Variants in OPRD1 observed in about 807,000 individuals in gnomAD.
OPRD1 encodes the protein delta-type opioid receptor.
OPRD1 carries 19 observed loss-of-function variants against 17.5 expected under a neutral mutation model. The observed-to-expected ratio is 1.09, with a 90% CI of 0.76 to 1.60. OPRD1 has a LOEUF of 1.60. OPRD1 is among the 40% of genes most tolerant of loss of function. The pLI, the probability that OPRD1 is intolerant of heterozygous loss-of-function variation, is 0.00. For missense variants in OPRD1, 483 were observed against 547.2 expected (o/e 0.88, Z 1.17); for synonymous variants, 256 against 240.9 (o/e 1.06, Z -0.58).
At chr1:28,845,713 A>G (rs1342733099) in intron 1 of OPRD1, among the ~76,000 whole-genome samples, 5 of 152,188 alleles carry the variant, frequency 3.3e-5, no homozygotes, top group Admixed American at 3.3e-4. Flanking sequence ...TTTAGCTCTT[A>G]CATCTTTGAT....
At chr1:28,813,243 C>A (rs191949526) in intron 1 of OPRD1, among the ~76,000 whole-genome samples, 1 of 152,176 alleles carries the variant, frequency 6.6e-6, no homozygotes, top group Non-Finnish European at 1.5e-5. Flanking sequence ...CCGGAGTGGC[C>A]GTCGTCCCTG....
chr1:28,834,592 C>G (rs956164342), intron 1 of OPRD1, among the ~76,000 whole-genome samples: 1 of 150,862 alleles, frequency 6.6e-6, no homozygotes, highest in East Asian at 2.0e-4. Context: ...GTTGCCCAGG[C>G]TGGTCTCGAA....
chr1:28,813,918 A>G (rs1243507375), intron 1 of OPRD1, among the ~76,000 whole-genome samples: 2 of 152,100 alleles, frequency 1.3e-5, no homozygotes, highest in African/African-American at 2.4e-5. Flanking sequence ...AATCTCCTCA[A>G]TTGGAAAGTA....
chr1:28,824,415 G>A (rs561087384), intron 1 of OPRD1, among the ~76,000 whole-genome samples: 2 of 149,592 alleles, frequency 1.3e-5, no homozygotes, highest in East Asian at 2.0e-4. Flanking sequence ...CTGGGTTCAC[G>A]GCATTCTCCT....
chr1:28,814,857 G>A (rs1053265124), intron 1 of OPRD1, among the ~76,000 whole-genome samples: 5 of 152,110 alleles, frequency 3.3e-5, no homozygotes, highest in African/African-American at 1.2e-4. Flanking sequence ...TGTATCTCTG[G>A]GTCTGAATGA....
At chr1:28,837,918 TA>T (rs1288546424) in intron 1 of OPRD1, among the ~76,000 whole-genome samples, 1 of 149,624 alleles carries the variant, frequency 6.7e-6, no homozygotes, top group African/African-American at 2.5e-5. Flanking sequence ...TATTTCCAAA[TA>T]GTGTCACATT....
intron 1 of OPRD1, among the ~76,000 whole-genome samples, chr1:28,845,612 A>G (rs1277346637): frequency 6.6e-6 from 1 of 152,144 alleles, no homozygotes; most frequent in African/African-American, 2.4e-5. Context: ...GAAAAAAAGA[A>G]AGAAAAACAA....
At chr1:28,862,340 C>T (rs2089131114) in intron 2 of OPRD1, among the ~76,000 whole-genome samples, 1 of 152,156 alleles carries the variant, frequency 6.6e-6, no homozygotes, top group Non-Finnish European at 1.5e-5. Context: ...CTGAGTCCTG[C>T]TCCTAGCTCA....
Position 28,862,947 on chromosome 1 carries a change from C to A in OPRD1, c.783C>A (p.Arg261=), listed in dbSNP as rs758444669. The A allele has an allele frequency of 1.2e-6, 2 of 1,612,838 alleles. No homozygotes were observed. The highest frequency in any genetic ancestry group is 2.2e-5 in the South Asian group (2 of 90,970). The part of the protein sequence containing the change: ...EKDRSLRRIT[R]MVLVVVGAFV... ...ACCGCAGCCTGCGGCGCATCACGCG[C>A]ATGGTGCTGGTGGTTGTGGGCGCCT... is the stretch of plus-strand genomic sequence containing the variant. Residue 261 remains arginine, a synonymous_variant, in exon 3 of 3, where the codon CGC becomes CGA. Coordinates refer to ENST00000234961, the MANE Select transcript of OPRD1 (RefSeq NM_000911.4).
At chr1:28,838,391 C>T (rs934381584) in intron 1 of OPRD1, among the ~76,000 whole-genome samples, 1 of 152,182 alleles carries the variant, frequency 6.6e-6, no homozygotes, top group African/African-American at 2.4e-5. Context: ...CAGAAGTCAG[C>T]AGAACAGATT....
At chr1:28,832,221 TGTA>T (rs1486611589) in intron 1 of OPRD1, among the ~76,000 whole-genome samples, 4 of 152,156 alleles carry the variant, frequency 2.6e-5, no homozygotes, top group Non-Finnish European at 5.9e-5. Flanking sequence ...CAGACTTATT[TGTA>T]ATGTCATTAA....
In OPRD1 at chr1:28,831,459, A is replaced by G. The variant is rs572258608; in HGVS notation, c.227+18849A>G. The stretch of plus-strand genomic sequence containing the variant: ...GGGAGGTGGAGGTTGCAGTGAGCTG[A>G]GATCGTGCCACTGCACTCCAGCCTG... On this transcript the variant is annotated intron_variant, in intron 1 of 2. Transcript: ENST00000234961. 6.9e-3 allele frequency among the ~76,000 whole-genome samples: 1,049 copies of G among 151,558 alleles called. 4 individuals carry two copies. Among genetic ancestry groups the G allele is most frequent in the Non-Finnish European group, 0.011 (745 of 67,924 alleles).
chr1:28,851,828 C>G (rs565197305), intron 1 of OPRD1, among the ~76,000 whole-genome samples: 1 of 135,494 alleles, frequency 7.4e-6, no homozygotes, highest in Admixed American at 8.2e-5. Context: ...GCACTCCAGC[C>G]TGGGCAATGA....
rs2088635962 is a variant in OPRD1, at chr1:28,812,270, C to A, written c.-114C>A. The A allele has an allele frequency of 8.3e-6, 5 of 603,686 alleles. No homozygotes were observed. Among genetic ancestry groups the A allele is most frequent in the Non-Finnish European group, 2.3e-6 (1 of 442,730 alleles). 37.4% of individuals were successfully genotyped at this position (603,686 alleles called of 1,614,324 possible). On this transcript the variant is annotated 5_prime_UTR_variant, in exon 1 of 3. Coordinates refer to ENST00000234961, the MANE Select transcript of OPRD1 (RefSeq NM_000911.4). The stretch of plus-strand genomic sequence containing the variant: ...CGCAGAGACAGCGGGGCGGCCGGGG[C>A]GCGGCAGCCGGCGGCGTCGGGGCCG...
rs571573010 is a variant in OPRD1 at position 28,869,401 on chromosome 1, G to C, written c.*6118G>C. 3.9e-5 allele frequency: 6 copies of C among 152,336 alleles called. No individual in the cohort carries two copies. The highest frequency in any genetic ancestry group is 1.2e-4 in the African/African-American group (5 of 41,544). The allele number at this position is 152,336 out of a possible 1,614,324, so 9.4% of individuals were successfully genotyped here. On this transcript the variant is annotated 3_prime_UTR_variant, in exon 3 of 3. Coordinates refer to ENST00000234961, the MANE Select transcript of OPRD1 (RefSeq NM_000911.4). ...GCACTGCGAGGTTGCCCGGGTTCTA[G>C]TCCCAGCACCATCACCGGGGATGAG...
chr1:28,851,727 C>T (rs143215548), intron 1 of OPRD1, among the ~76,000 whole-genome samples: 2 of 151,882 alleles, frequency 1.3e-5, no homozygotes, highest in East Asian at 1.9e-4. Context: ...CAAAATTAGC[C>T]GGGCGTGGTG....
intron 1 of OPRD1, among the ~76,000 whole-genome samples, chr1:28,832,238 A>C (rs757366740): frequency 2.2e-4 from 33 of 152,202 alleles, no homozygotes; most frequent in Non-Finnish European, 4.0e-4. Context: ...TCATTAAAAT[A>C]ATTTAAAAAA....
At chr1:28,846,852 TTC>T (rs752056327) in intron 1 of OPRD1, among the ~76,000 whole-genome samples, 846 of 57,394 alleles carry the variant, frequency 0.015, 12 homozygotes, top group African/African-American at 0.042. Flanking sequence ...TTTCTTTTCT[TTC>T]TTTCTTTCTT....
chr1:28,850,380 G>A (rs947645486), intron 1 of OPRD1, among the ~76,000 whole-genome samples: 3 of 151,962 alleles, frequency 2.0e-5, no homozygotes, highest in South Asian at 2.1e-4. Context: ...CTGGAGTGTA[G>A]TGGCACAATC....
Sources: allele counts gnomAD v4.1 joint callset (sites outside exome capture counted in the v4.1 genomes callset), GRCh38; gene constraint gnomAD v4.1.1; transcripts MANE v1.5; gene names NCBI Gene and HGNC (gene_info 2026-07-23, HGNC 2026-07-21).